GRIA4: variants seen among roughly 807,000 people sequenced by gnomAD.
The protein encoded by GRIA4 is glutamate ionotropic receptor AMPA type subunit 4.
A neutral mutation model predicts 104.0 loss-of-function variants in GRIA4; 34 were observed. The ratio of observed to expected loss-of-function variants is 0.33; its 90% CI spans 0.25 to 0.44. The LOEUF is 0.44. Among genes scored for constraint, GRIA4 ranks in the 20% least tolerant of loss-of-function variants. The pLI, the probability that GRIA4 is intolerant of heterozygous loss-of-function variation, is 1.00. For missense variants in GRIA4, 750 were observed against 1,096.5 expected, an observed-to-expected ratio of 0.68 and a Z score of 4.46; for synonymous variants, 386 against 381.9, an observed-to-expected ratio of 1.01 and a Z score of -0.13.
At chr11:105,690,931 T>A (rs1430030322) in intron 3 of GRIA4, among the ~76,000 whole-genome samples, 1 of 152,214 alleles carries the variant, frequency 6.6e-6, no homozygotes, top group East Asian at 1.9e-4. Context: ...TTCCTCTGAA[T>A]GAATATGTGT....
intron 14 of GRIA4, among the ~76,000 whole-genome samples, chr11:105,954,053 G>C (rs1338820195): frequency 2.0e-5 from 3 of 152,124 alleles, no homozygotes; most frequent in Non-Finnish European, 2.9e-5. Context: ...AGGCCACTAA[G>C]AGTTCTATTA....
At chr11:105,666,401 T>A (rs1952166789) in intron 3 of GRIA4, among the ~76,000 whole-genome samples, 1 of 151,986 alleles carries the variant, frequency 6.6e-6, no homozygotes, top group Non-Finnish European at 1.5e-5. Flanking sequence ...AATTACATTT[T>A]ATCAAAGATG....
rs533092622 is a variant in GRIA4, at chr11:105,866,186, G to A, written c.672+3978G>A. Among the ~76,000 whole-genome samples the A allele has an allele frequency of 2.6e-5, 4 of 152,076 alleles. No individual in the cohort carries two copies. The East Asian group carries it at 5.8e-4, about 22-fold the overall frequency. On this transcript the variant is annotated intron_variant, in intron 5 of 16. Coordinates refer to ENST00000282499, the MANE Select transcript of GRIA4 (RefSeq NM_000829.4). Reference sequence around the variant, plus strand: ...TCACTAACCACCTATGATTCTTCTCGTTCTCACTTTAAATAAGGACAGTTG... The same window carrying A: ...TCACTAACCACCTATGATTCTTCTCATTCTCACTTTAAATAAGGACAGTTG...
chr11:105,646,456 C>T (rs867311846), intron 3 of GRIA4, among the ~76,000 whole-genome samples: 21 of 152,074 alleles, frequency 1.4e-4, no homozygotes, highest in Non-Finnish European at 2.2e-4. Flanking sequence ...GACAATCACC[C>T]AATAGCCATG....
At chr11:105,930,728 T>C (rs1250287171) in intron 13 of GRIA4, among the ~76,000 whole-genome samples, 1 of 152,144 alleles carries the variant, frequency 6.6e-6, no homozygotes, top group Non-Finnish European at 1.5e-5. Flanking sequence ...ATTCCTTTAA[T>C]AAACCACTTA....
intron 3 of GRIA4, among the ~76,000 whole-genome samples, chr11:105,614,750 C>T (rs941690512): frequency 5.3e-5 from 8 of 151,726 alleles, no homozygotes; most frequent in Non-Finnish European, 8.8e-5. Flanking sequence ...ATCCTTAAGG[C>T]AAATCTAAGC....
intron 3 of GRIA4, among the ~76,000 whole-genome samples, chr11:105,623,596 T>C (rs2135281829): frequency 6.6e-6 from 1 of 152,164 alleles, no homozygotes; most frequent in Non-Finnish European, 1.5e-5. Context: ...CATTCCCTTT[T>C]ATTGGACTCC....
chr11:105,617,731 G>A (rs140392768), intron 3 of GRIA4, among the ~76,000 whole-genome samples: 25 of 152,094 alleles, frequency 1.6e-4, no homozygotes, highest in African/African-American at 5.8e-4. Context: ...CATCAAACAT[G>A]TTTATCAAGA....
intron 4 of GRIA4, among the ~76,000 whole-genome samples, chr11:105,779,624 T>G (rs905888614): frequency 2.7e-5 from 4 of 150,192 alleles, no homozygotes; most frequent in African/African-American, 9.8e-5. Flanking sequence ...CCCTAAAACT[T>G]AAAAGTATAA....
chr11:105,736,302 C>T (rs1938941320), intron 3 of GRIA4, among the ~76,000 whole-genome samples: 1 of 152,084 alleles, frequency 6.6e-6, no homozygotes, highest in Non-Finnish European at 1.5e-5. Flanking sequence ...CTGTACTTTG[C>T]AGTCTTCATT....
chr11:105,940,020 C>T (rs1322361836), intron 14 of GRIA4, among the ~76,000 whole-genome samples: 1 of 152,016 alleles, frequency 6.6e-6, no homozygotes, highest in East Asian at 1.9e-4. Flanking sequence ...CCTTATGATC[C>T]CAGGGCCCTC....
chr11:105,685,179 GAGAGAGGGAGGGAGGGAGGA>G (rs1358593211), intron 3 of GRIA4, among the ~76,000 whole-genome samples: 70 of 132,080 alleles, frequency 5.3e-4, no homozygotes, highest in African/African-American at 1.8e-3. Context: ...GGGAGGGAGG[GAGAGAGGGAGGGAGGGAGGA>G]AGGAAGGAAG....
intron 3 of GRIA4, among the ~76,000 whole-genome samples, chr11:105,747,575 G>C (rs922503152): frequency 1.3e-5 from 2 of 152,056 alleles, no homozygotes; most frequent in Admixed American, 1.3e-4. Context: ...TTTATGTCAA[G>C]TATGAATATA....
At chr11:105,888,271 CTTTTTTTTTTTTTTT>C (rs71469040) in intron 6 of GRIA4, among the ~76,000 whole-genome samples, 22 of 54,572 alleles carry the variant, frequency 4.0e-4, no homozygotes, top group East Asian at 1.9e-3. Context: ...ATGTTTTCTC[CTTTTTTTTTTTTTTT>C]TTTTTTTTTT....
At chr11:105,616,220 G>C (rs1950596210) in intron 3 of GRIA4, among the ~76,000 whole-genome samples, 1 of 151,154 alleles carries the variant, frequency 6.6e-6, no homozygotes, top group African/African-American at 2.4e-5. Context: ...TCTTTTTCTA[G>C]CTAGAATCAT....
intron 4 of GRIA4, among the ~76,000 whole-genome samples, chr11:105,777,012 G>A (rs1476587954): frequency 6.6e-6 from 1 of 152,106 alleles, no homozygotes; most frequent in Non-Finnish European, 1.5e-5. Flanking sequence ...GGAGAAGAGT[G>A]TGACTTCTTC....
intron 3 of GRIA4, among the ~76,000 whole-genome samples, chr11:105,653,078 A>AT (rs1180522197): frequency 6.6e-6 from 1 of 151,648 alleles, no homozygotes; most frequent in East Asian, 1.9e-4. Context: ...CACCCGACTA[A>AT]TTTTTTGTAT....
intron 3 of GRIA4, among the ~76,000 whole-genome samples, chr11:105,746,265 T>C (rs1283658984): frequency 1.3e-5 from 2 of 152,038 alleles, no homozygotes; most frequent in African/African-American, 4.8e-5. Flanking sequence ...TCCCTAAAAA[T>C]ATTATTGTGG....
chr11:105,960,678 G>A (rs1330482923), intron 14 of GRIA4, among the ~76,000 whole-genome samples: 3 of 152,352 alleles, frequency 2.0e-5, no homozygotes, highest in Non-Finnish European at 4.4e-5. Context: ...CGGGAGTTCC[G>A]TAGGTTCAAG....
Sources: gnomAD v4.1 joint callset for allele counts (sites outside exome capture counted in the v4.1 genomes callset) on GRCh38, gnomAD v4.1.1 for gene constraint, MANE v1.5 for transcripts, NCBI Gene and HGNC (gene_info 2026-07-23, HGNC 2026-07-21) for gene names.